PPP2R3C: variants seen among roughly 807,000 people sequenced by gnomAD.
The protein encoded by PPP2R3C is protein phosphatase 2 regulatory subunit B''gamma.
In PPP2R3C, 47 loss-of-function variants were observed where a neutral mutation model predicts 63.7. That is an observed-to-expected ratio of 0.74 (90% confidence interval 0.58 to 0.94). The LOEUF (loss-of-function observed/expected upper bound fraction) is 0.94, where lower values mean the gene tolerates loss of function less well. PPP2R3C is among the 40% of genes least tolerant of loss of function. PPP2R3C has a pLI of 0.00. For missense variants in PPP2R3C, 421 were observed against 518.4 expected, an observed-to-expected ratio of 0.81 and a Z score of 1.82; for synonymous variants, 180 against 177.4, an observed-to-expected ratio of 1.01 and a Z score of -0.12.
chr14:35,121,701 C>G, intron 1 of PPP2R3C: 1 of 568,972 alleles, frequency 1.8e-6, no homozygotes, highest in Non-Finnish European at 3.1e-6. Flanking sequence ...CTAAGTTTTT[C>G]GTTCCTCTAG....
intron 9 of PPP2R3C, among the ~76,000 whole-genome samples, chr14:35,095,851 CAA>C (rs59775301): frequency 4.1e-4 from 17 of 41,130 alleles, no homozygotes; most frequent in African/African-American, 1.1e-3. Context: ...ACTCTATCTC[CAA>C]AAAAAAAAAA....
chr14:35,112,192 A>G (rs1015539860), intron 2 of PPP2R3C, among the ~76,000 whole-genome samples: 1 of 152,348 alleles, frequency 6.6e-6, no homozygotes, highest in East Asian at 1.9e-4. Context: ...GGGTTTGCCA[A>G]CTGGGGTGAT....
chr14:35,091,203 T>C lies in PPP2R3C; in HGVS notation c.980A>G (p.Tyr327Cys), dbSNP rs368136716. The change falls in exon 11 of 13, where the codon TAT becomes TGT. Residue 327 changes from tyrosine (Y) to cysteine (C), a missense_variant. Tyr to Cys is a radical substitution (Grantham distance 194, BLOSUM62 -2). Around this residue, in one of 3 missense-constraint regions of PPP2R3C, gnomAD observed 231 missense variants for 264.8 expected, o/e 0.87. Transcript: ENST00000261475. Reference sequence around the variant, plus strand: ...AAGGACAAAGTCCAAGTAGGTCTTATAGTCCTACAGAACAGAAAATAATGT... The same window carrying C: ...AAGGACAAAGTCCAAGTAGGTCTTACAGTCCTACAGAACAGAAAATAATGT... ...ECLTYDGEMD[Y>C]KTYLDFVLAL... 7.5e-6 allele frequency: 12 copies of C among 1,607,640 alleles called. No homozygotes were observed. Among genetic ancestry groups the C allele is most frequent in the Admixed American group, 1.7e-5 (1 of 59,402 alleles).
intron 12 of PPP2R3C, 42 bp downstream of exon 12, chr14:35,087,909 T>G: frequency 2.1e-6 from 3 of 1,421,236 alleles, no homozygotes; most frequent in Non-Finnish European, 3.0e-6. Context: ...AATGACTATC[T>G]CATAATTATC....
intron 11 of PPP2R3C, 95 bp downstream of exon 11, chr14:35,090,975 A>C (rs1324706198): frequency 8.1e-7 from 1 of 1,227,836 alleles, no homozygotes. Context: ...TCGGCCTCCC[A>C]AAGTGCTGGG....
At chr14:35,122,083 T>C, upstream of PPP2R3C, 2 of 998,398 alleles carry the variant, frequency 2.0e-6, no homozygotes, top group Non-Finnish European at 3.1e-6. Flanking sequence ...ACCATCTTGA[T>C]CGAGGGCGGA....
chr14:35,105,011 G>A (rs776812941), intron 6 of PPP2R3C, among the ~76,000 whole-genome samples: 5 of 151,678 alleles, frequency 3.3e-5, no homozygotes, highest in Non-Finnish European at 7.4e-5. Flanking sequence ...TGGGATTACA[G>A]GCGTGAGCTA....
Position 35,116,676 on chromosome 14 carries a change from G to A in PPP2R3C, c.120C>T (p.Ser40=), listed in dbSNP as rs780742834. 27 of 1,595,092 alleles carry A rather than the reference G, an allele frequency of 1.7e-5. No homozygotes were observed. Among genetic ancestry groups the A allele is most frequent in the East Asian group, 2.2e-5 (1 of 44,506 alleles). The change falls in exon 2 of 13, where the codon TCC becomes TCT. Residue 40 remains serine, a synonymous_variant. Coordinates refer to ENST00000261475, the MANE Select transcript of PPP2R3C (RefSeq NM_017917.4). Reference sequence around the variant, plus strand: ...TGTTTTTTCTACCTCCTTTCCATTCGGAGTAATATTTTGTAAATAAATCCA... The same window carrying A: ...TGTTTTTTCTACCTCCTTTCCATTCAGAGTAATATTTTGTAAATAAATCCA... The part of the protein sequence containing the change: ...EEMDLFTKYY[S]EWKGGRKNTN...
upstream of PPP2R3C, chr14:35,122,067 C>G: frequency 8.5e-7 from 1 of 1,182,512 alleles, no homozygotes; most frequent in Non-Finnish European, 1.2e-6. Context: ...GGAAGGCCGT[C>G]CAACCACCAT....
chr14:35,110,481 G>A, intron 3 of PPP2R3C, 44 bp downstream of exon 3: 1 of 1,306,022 alleles, frequency 7.7e-7, no homozygotes, highest in Non-Finnish European at 1.1e-6. Flanking sequence ...TAGCACAAAT[G>A]AGAAATGGTT....
intron 1 of PPP2R3C, among the ~76,000 whole-genome samples, chr14:35,118,544 C>T (rs945458287): frequency 3.3e-5 from 5 of 151,852 alleles, no homozygotes; most frequent in African/African-American, 4.8e-5. Flanking sequence ...TAAGCTACAA[C>T]GGTACTTGGC....
intron 7 of PPP2R3C, among the ~76,000 whole-genome samples, chr14:35,096,995 C>A (rs2046020747): frequency 6.6e-6 from 1 of 152,098 alleles, no homozygotes; most frequent in Non-Finnish European, 1.5e-5. Flanking sequence ...AGGTGGATCA[C>A]CTGAGGTCAG....
intron 10 of PPP2R3C, among the ~76,000 whole-genome samples, chr14:35,092,473 AT>A (rs570096272): frequency 6.7e-6 from 1 of 150,322 alleles, no homozygotes; most frequent in Non-Finnish European, 1.5e-5. Flanking sequence ...GAACAGTATA[AT>A]TTTTTTTTTG....
intron 12 of PPP2R3C, 40 bp downstream of exon 12, chr14:35,087,911 A>G (rs1191310587): frequency 6.9e-7 from 1 of 1,448,100 alleles, no homozygotes. Flanking sequence ...TGACTATCTC[A>G]TAATTATCTG....
chr14:35,095,223 T>A (rs778558374), intron 9 of PPP2R3C, 39 bp from the exon 10 acceptor site: 13 of 1,577,250 alleles, frequency 8.2e-6, no homozygotes, highest in Non-Finnish European at 1.0e-5. Flanking sequence ...ATGACCACAA[T>A]AAAATTTTAA....
At chr14:35,105,281 C>T (rs941462804) in intron 6 of PPP2R3C, among the ~76,000 whole-genome samples, 4 of 151,868 alleles carry the variant, frequency 2.6e-5, no homozygotes, top group African/African-American at 9.7e-5. Flanking sequence ...CTCCTGGGTT[C>T]AAGCGATTCT....
chr14:35,109,587 C>T (rs1026610540), intron 4 of PPP2R3C, among the ~76,000 whole-genome samples: 1 of 151,912 alleles, frequency 6.6e-6, no homozygotes, highest in East Asian at 1.9e-4. Flanking sequence ...CCCACCTCAG[C>T]CTCCGGAGTA....
intron 6 of PPP2R3C, chr14:35,102,647 T>C (rs2046236382): frequency 6.6e-6 from 1 of 152,190 alleles, no homozygotes; most frequent in Non-Finnish European, 1.5e-5. Context: ...CCAAAATATA[T>C]ATTGAATTAA....
intron 1 of PPP2R3C, among the ~76,000 whole-genome samples, chr14:35,119,843 G>A (rs1432605653): frequency 1.5e-5 from 2 of 129,620 alleles, no homozygotes; most frequent in African/African-American, 2.9e-5. Context: ...AGCATGGACA[G>A]TTCATCTTTT....
Sources: gnomAD v4.1 joint callset for allele counts (sites outside exome capture counted in the v4.1 genomes callset) on GRCh38, gnomAD v4.1.1 for gene constraint, gnomAD v4.1.1 regional missense constraint, MANE v1.5 for transcripts, NCBI Gene and HGNC (gene_info 2026-07-23, HGNC 2026-07-21) for gene names.